MMS22L: variants seen among roughly 807,000 people sequenced by gnomAD.
MMS22L encodes protein MMS22-like.
MMS22L carries 74 observed loss-of-function variants against 159.1 expected under a neutral mutation model. That is an observed-to-expected ratio of 0.47 (90% CI 0.39 to 0.56). The LOEUF is 0.56. MMS22L is among the 20% of genes least tolerant of loss of function. The probability of loss-of-function intolerance (pLI) is 0.00; values close to 1 mark genes in which losing one functional copy is unlikely to be tolerated. For missense variants in MMS22L, 1,351 were observed against 1,422.1 expected (o/e 0.95, Z 0.80); for synonymous variants, 517 against 506.9 (o/e 1.02, Z -0.27).
chr6:97,209,004 A>C (rs1332564583), intron 14 of MMS22L, among the ~76,000 whole-genome samples: 2 of 151,876 alleles, frequency 1.3e-5, no homozygotes, highest in Admixed American at 1.3e-4. Context: ...ACTCACATCC[A>C]ACCTCTTTCA....
chr6:97,213,212 G>A lies in MMS22L; in HGVS notation c.2039+15682C>T, dbSNP rs1287657556. Among the ~76,000 whole-genome samples, 6 of 152,110 alleles carry A rather than the reference G, an allele frequency of 3.9e-5. No homozygotes were observed. The East Asian group carries it at 1.2e-3, about 29-fold the overall frequency. ...ATCTGAGGTCGGGAGTTCAAGACCA[G>A]CCTGACCAACATGGAAAAACCCCAT... On this transcript the variant is annotated intron_variant, in intron 14 of 24. Coordinates refer to ENST00000683635, the MANE Select transcript of MMS22L (RefSeq NM_001350599.2).
In MMS22L at chr6:97,188,494, C is replaced by T. The variant is rs112167365; in HGVS notation, c.2040-1804G>A. 2.6e-4 allele frequency among the ~76,000 whole-genome samples: 40 copies of T among 152,172 alleles called. 2 individuals are homozygous for T. The highest frequency in any genetic ancestry group is 7.9e-4 in the African/African-American group (33 of 41,518). ...TATCATTAATCCTCTTTATAGATGA[C>T]GAAGCTAACAGTAGGAAAGCTAAAT... On this transcript the variant is annotated intron_variant, in intron 14 of 24. Coordinates refer to ENST00000683635, the MANE Select transcript of MMS22L (RefSeq NM_001350599.2).
At chr6:97,274,474 G>A (rs1816060299) in intron 4 of MMS22L, among the ~76,000 whole-genome samples, 1 of 152,116 alleles carries the variant, frequency 6.6e-6, no homozygotes. Flanking sequence ...CCACTGTAAA[G>A]CTGAAAACCA....
chr6:97,282,214 G>A (rs1816813569), intron 2 of MMS22L, 100 bp downstream of exon 2: 3 of 1,213,860 alleles, frequency 2.5e-6, no homozygotes, highest in East Asian at 2.4e-5. Flanking sequence ...TATAAAACAC[G>A]ACTTGGTGAA....
chr6:97,260,402 T>C (rs973487920), intron 9 of MMS22L: 2 of 152,302 alleles, frequency 1.3e-5, no homozygotes, highest in South Asian at 4.1e-4. Context: ...CTTTCTTCTA[T>C]GCCCCTTATT....
intron 11 of MMS22L, 145 bp downstream of exon 11, chr6:97,246,483 A>G (rs1484943878): frequency 9.9e-6 from 6 of 608,658 alleles, no homozygotes; most frequent in Non-Finnish European, 1.7e-5. Context: ...ATAATCACTA[A>G]AAGAAACTAC....
rs906468886 is a variant in MMS22L at position 97,182,068 on chromosome 6, G to C, written c.2234-14C>G. ...GCAAAGTAAAGTCTAGATTCAAAAT[G>C]AGAGAAACTTAAAGTCAGGAATCTT... On this transcript the variant is annotated splice_polypyrimidine_tract_variant and intron_variant, in intron 15 of 24. Coordinates refer to ENST00000683635, the MANE Select transcript of MMS22L (RefSeq NM_001350599.2). 6.3e-7 allele frequency: 1 copy of C among 1,599,324 alleles called. No individual in the cohort carries two copies. The highest frequency in any genetic ancestry group is 1.4e-5 in the African/African-American group (1 of 73,934).
At chr6:97,192,121 C>G (rs568331566) in intron 14 of MMS22L, among the ~76,000 whole-genome samples, 1 of 152,082 alleles carries the variant, frequency 6.6e-6, no homozygotes, top group South Asian at 2.1e-4. Context: ...CCCAGTACAT[C>G]TGTGTGTCTG....
chr6:97,171,761 C>T (rs535113628), intron 19 of MMS22L, among the ~76,000 whole-genome samples: 32 of 152,266 alleles, frequency 2.1e-4, no homozygotes, highest in Middle Eastern at 3.4e-3. Context: ...CAGTGGTTAA[C>T]TCCTTCCCTC....
At chr6:97,246,606 C>T in intron 11 of MMS22L, 22 bp downstream of exon 11, 1 of 1,574,882 alleles carries the variant, frequency 6.3e-7, no homozygotes, top group Non-Finnish European at 8.6e-7. Flanking sequence ...AATCCACAAA[C>T]TGTCTTACTT....
chr6:97,155,622 G>A lies in MMS22L; in HGVS notation c.3386-3755C>T, dbSNP rs147017513. ...AATGATGGTTTCCAGTTTCACCCAC[G>A]TCCCTGCAAAGGACATGAACTCATC... On this transcript the variant is annotated intron_variant, in intron 22 of 24. Transcript: ENST00000683635. Among the ~76,000 whole-genome samples, 1,418 of 152,184 alleles carry A rather than the reference G, an allele frequency of 9.3e-3. 22 individuals are homozygous for A. The highest frequency in any genetic ancestry group is 0.031 in the African/African-American group (1,295 of 41,506).
chr6:97,222,827 C>A lies in MMS22L; in HGVS notation c.2039+6067G>T, dbSNP rs185152712. On this transcript the variant is annotated intron_variant, in intron 14 of 24. Transcript: ENST00000683635. ...GGTTTATAATGGAAATGCTGACAGA[C>A]CCTCAACTATAGCAGCATGAATGGA... Among the ~76,000 whole-genome samples, 102 of 152,066 alleles carry A rather than the reference C, an allele frequency of 6.7e-4. 1 individual carries two copies. Among genetic ancestry groups the A allele is most frequent in the African/African-American group, 2.4e-3 (98 of 41,518 alleles).
At chr6:97,165,026 G>A (rs926400608) in intron 21 of MMS22L, among the ~76,000 whole-genome samples, 1 of 152,068 alleles carries the variant, frequency 6.6e-6, no homozygotes, top group Admixed American at 6.6e-5. Context: ...GAAGGTAATA[G>A]CTACATAGAG....
At chr6:97,233,789 C>A in intron 12 of MMS22L, 72 bp downstream of exon 12, 1 of 1,475,392 alleles carries the variant, frequency 6.8e-7, no homozygotes, top group Admixed American at 2.4e-5. Context: ...CATAATTAAA[C>A]CATAAAGACA....
In MMS22L at chr6:97,267,964, T is replaced by C. The variant is rs768691130; in HGVS notation, c.736A>G (p.Ser246Gly). 12 of 1,604,692 alleles carry C rather than the reference T, an allele frequency of 7.5e-6. No homozygotes were observed. Among genetic ancestry groups the C allele is most frequent in the African/African-American group, 1.3e-5 (1 of 74,516 alleles). Reference sequence around the variant, plus strand: ...AGGCTGATGTTGGTTAAATTGTCACTTGCCAGATTCATAAACTGATGACCA... The same window carrying C: ...AGGCTGATGTTGGTTAAATTGTCACCTGCCAGATTCATAAACTGATGACCA... ...VYGHQFMNLA[S>G]DNLTNISLFE... Residue 246 changes from serine (S) to glycine (G), a missense_variant, in exon 8 of 25, where the codon AGT becomes GGT. Ser to Gly is a moderately conservative substitution (Grantham distance 56, BLOSUM62 0). Coordinates refer to ENST00000683635, the MANE Select transcript of MMS22L (RefSeq NM_001350599.2).
rs202094067 is a variant in MMS22L, at chr6:97,168,178, G to A, written c.2902C>T (p.Arg968Trp). Residue 968 changes from arginine to tryptophan, a missense_variant, in exon 20 of 25, where the codon CGG (arginine) becomes TGG (tryptophan). Physicochemically the swap from Arg to Trp is moderately radical, Grantham distance 101 (BLOSUM62 -3). Transcript: ENST00000683635. Reference sequence around the variant, plus strand: ...GGCAGCAGTAAACAATCTATGATCCGGAATAGTAATTTTTGGGCTTTAGAA... The same window carrying A: ...GGCAGCAGTAAACAATCTATGATCCAGAATAGTAATTTTTGGGCTTTAGAA... The part of the protein sequence containing the change: ...ATSKAQKLLF[R>W]IIDCLLLPHA... 2.4e-5 allele frequency: 38 copies of A among 1,613,078 alleles called. No homozygotes were observed. Among genetic ancestry groups the A allele is most frequent in the East Asian group, 1.6e-4 (7 of 44,830 alleles).
chr6:97,170,082 T>C (rs1803370469), intron 19 of MMS22L, among the ~76,000 whole-genome samples: 1 of 152,168 alleles, frequency 6.6e-6, no homozygotes, highest in East Asian at 1.9e-4. Context: ...GTTAAACTCT[T>C]ATGTGCCTTA....
At chr6:97,253,438 A>G (rs1401800054) in intron 10 of MMS22L, 1 of 151,272 alleles carries the variant, frequency 6.6e-6, no homozygotes, top group Non-Finnish European at 1.5e-5. Context: ...GGACCTCCAG[A>G]GTTAAGATCT....
rs140280111 is a variant in MMS22L, at chr6:97,159,620, A to T, written c.3385+2382T>A. Among the ~76,000 whole-genome samples the T allele has an allele frequency of 8.3e-3, 1,255 of 152,114 alleles. 60 individuals carry two copies. Among genetic ancestry groups the T allele is most frequent in the Admixed American group, 0.075 (1,145 of 15,238 alleles). ...GCTATATAGGTCCAGCATTCCAAAG[A>T]TCCAAAATTCCAAATGCTTCCAAAT... is the stretch of plus-strand genomic sequence containing the variant. On this transcript the variant is annotated intron_variant, in intron 22 of 24. Transcript: ENST00000683635.
Sources: allele counts gnomAD v4.1 joint callset (sites outside exome capture counted in the v4.1 genomes callset), GRCh38; gene constraint gnomAD v4.1.1; transcripts MANE v1.5; gene names NCBI Gene and HGNC (gene_info 2026-07-23, HGNC 2026-07-21).